The following SV2C variants were observed in gnomAD, a reference collection of about 807,000 sequenced individuals.
The protein encoded by SV2C is solute carrier family 22 member B3.
Under a neutral mutation model 79.7 loss-of-function variants are expected in SV2C, and 49 were observed. That is an observed-to-expected ratio of 0.61 (90% CI 0.49 to 0.78). SV2C has a LOEUF of 0.78. SV2C is among the 30% of genes least tolerant of loss of function. The pLI, the probability that SV2C is intolerant of heterozygous loss-of-function variation, is 0.00. For synonymous variants in SV2C, 334 were observed against 333.2 expected (o/e 1.00, Z -0.03); for missense variants, 833 against 912.9 (o/e 0.91, Z 1.13).
At chr5:75,850,056 A>G in the SV2C span, among the ~76,000 whole-genome samples, 1 of 152,156 alleles carries the variant, frequency 6.6e-6, no homozygotes, top group Admixed American at 6.5e-5. Context: ...TGATATGGTA[A>G]ATGATGCTGT....
chr5:76,313,785 A>C (rs553719689), intron 12 of SV2C, among the ~76,000 whole-genome samples: 16 of 152,304 alleles, frequency 1.1e-4, no homozygotes, highest in African/African-American at 3.6e-4. Context: ...TTGTATGTTC[A>C]TTAGGCTAAG....
the SV2C span, among the ~76,000 whole-genome samples, chr5:75,940,543 G>A: frequency 6.6e-6 from 1 of 152,128 alleles, no homozygotes; most frequent in Non-Finnish European, 1.5e-5. Flanking sequence ...AAATTTGCAG[G>A]CCAGGCACAA....
chr5:76,320,330 C>T (rs935129505), intron 12 of SV2C, among the ~76,000 whole-genome samples: 40 of 152,018 alleles, frequency 2.6e-4, no homozygotes, highest in African/African-American at 8.9e-4. Context: ...ACTTTTAGGG[C>T]AGTAAAGCTA....
the SV2C span, among the ~76,000 whole-genome samples, chr5:75,980,549 T>C: frequency 1.4e-4 from 21 of 152,106 alleles, no homozygotes; most frequent in Non-Finnish European, 2.8e-4. Context: ...GGGATACAAG[T>C]TGGGTTCAAC....
At chr5:75,872,914 ATAAAAT>A in the SV2C span, among the ~76,000 whole-genome samples, 1 of 152,016 alleles carries the variant, frequency 6.6e-6, no homozygotes, top group African/African-American at 2.4e-5. Flanking sequence ...TATAATAATA[ATAAAAT>A]TAAAAAAAGA....
chr5:75,992,400 T>C, the SV2C span, among the ~76,000 whole-genome samples: 7 of 152,190 alleles, frequency 4.6e-5, no homozygotes, highest in African/African-American at 1.4e-4. Context: ...TATACATGAA[T>C]TTCAACTGTC....
At chr5:76,035,034 G>T in the SV2C span, among the ~76,000 whole-genome samples, 1 of 152,098 alleles carries the variant, frequency 6.6e-6, no homozygotes, top group Admixed American at 6.5e-5. Context: ...GTTTATTTGC[G>T]TAGAGGTGTT....
At position 76,328,952 on chromosome 5, in the gene SV2C, G is replaced by A. The variant is rs536917601; in HGVS notation, c.*3405G>A. On this transcript the variant is annotated 3_prime_UTR_variant, in exon 13 of 13. Transcript: ENST00000502798. The stretch of plus-strand genomic sequence containing the variant: ...GCTAATTTTTGTATCTTTTAGTAGA[G>A]GTGGGGTTTCACCGTGTTGGTCAGG... 4.6e-5 allele frequency: 7 copies of A among 152,214 alleles called. No individual in the cohort carries two copies. Among genetic ancestry groups the A allele is most frequent in the African/African-American group, 1.7e-4 (7 of 41,500 alleles). 9.4% of individuals were successfully genotyped at this position (152,214 alleles called of 1,614,324 possible). A position where few individuals can be genotyped will look rare whatever the true frequency, so the allele number is the denominator to read the frequency against.
chr5:75,911,088 G>A, the SV2C span: 123 of 1,398,462 alleles, frequency 8.8e-5, no homozygotes, highest in East Asian at 6.4e-4. Context: ...GATGCAGCCC[G>A]GGGGAAGATA....
At chr5:76,289,938 G>T in intron 6 of SV2C, among the ~76,000 whole-genome samples, 1 of 151,990 alleles carries the variant, frequency 6.6e-6, no homozygotes, top group East Asian at 1.9e-4. Flanking sequence ...GTTTTGTATG[G>T]TAATTGTTTG....
intron 2 of SV2C, among the ~76,000 whole-genome samples, chr5:76,135,104 C>T (rs1749024335): frequency 6.6e-6 from 1 of 152,208 alleles, no homozygotes; most frequent in East Asian, 1.9e-4. Flanking sequence ...TTCAGAGCTA[C>T]TCCAGAGGTA....
chr5:75,909,396 G>A, the SV2C span, among the ~76,000 whole-genome samples: 1 of 152,192 alleles, frequency 6.6e-6, no homozygotes, highest in Non-Finnish European at 1.5e-5. Context: ...GGAGTTGAAT[G>A]GGTTTTCACA....
the SV2C span, among the ~76,000 whole-genome samples, chr5:76,076,086 A>C: frequency 6.6e-6 from 1 of 152,238 alleles, no homozygotes; most frequent in Non-Finnish European, 1.5e-5. Flanking sequence ...GAGCATTAAT[A>C]GAAGGTCCAT....
At chr5:76,165,633 T>C (rs1041270346) in intron 2 of SV2C, among the ~76,000 whole-genome samples, 1 of 152,216 alleles carries the variant, frequency 6.6e-6, no homozygotes, top group Admixed American at 6.5e-5. Context: ...TTTTTCTTTT[T>C]TACTTAGCAT....
At chr5:76,073,499 G>GTGTGTATGTGTA in the SV2C span, among the ~76,000 whole-genome samples, 18 of 89,256 alleles carry the variant, frequency 2.0e-4, no homozygotes, top group African/African-American at 8.8e-4. Flanking sequence ...GTATGTATGT[G>GTGTGTATGTGTA]TGTGTATATA....
At chr5:75,953,690 G>T in the SV2C span, among the ~76,000 whole-genome samples, 3 of 151,908 alleles carry the variant, frequency 2.0e-5, no homozygotes, top group Non-Finnish European at 2.9e-5. Context: ...ATATATGAGT[G>T]CCTCAGCTCC....
the SV2C span, among the ~76,000 whole-genome samples, chr5:75,956,157 C>T: frequency 9.1e-5 from 13 of 143,352 alleles, no homozygotes; most frequent in African/African-American, 3.1e-4. Flanking sequence ...AAATGTCCAA[C>T]AATGATAGAC....
the SV2C span, among the ~76,000 whole-genome samples, chr5:75,898,549 C>T: frequency 3.3e-5 from 5 of 152,274 alleles, no homozygotes; most frequent in Admixed American, 2.0e-4. Flanking sequence ...TGTGTCTCTG[C>T]CCGCCTTTGG....
chr5:75,968,067 G>C, the SV2C span, among the ~76,000 whole-genome samples: 13 of 152,198 alleles, frequency 8.5e-5, no homozygotes, highest in Non-Finnish European at 1.9e-4. Flanking sequence ...AACAGGGTCT[G>C]GAATGGACCT....
Sources: gnomAD v4.1 joint callset for allele counts (sites outside exome capture counted in the v4.1 genomes callset) on GRCh38, gnomAD v4.1.1 for gene constraint, MANE v1.5 for transcripts, NCBI Gene and HGNC (gene_info 2026-07-23, HGNC 2026-07-21) for gene names.